ANKS1A: variants seen among roughly 807,000 people sequenced by gnomAD.
The protein encoded by ANKS1A is ankyrin repeat and sterile alpha motif domain containing 1A.
Under a neutral mutation model 120.3 loss-of-function variants are expected in ANKS1A, and 55 were observed. The ratio of observed to expected loss-of-function variants is 0.46; its 90% CI spans 0.37 to 0.57. ANKS1A has a LOEUF of 0.57. Ranked by LOEUF, ANKS1A falls within the 20% of genes least tolerant of loss-of-function variation. The pLI, the probability that ANKS1A is intolerant of heterozygous loss-of-function variation, is 0.00. For synonymous variants in ANKS1A, 590 were observed against 604.7 expected (o/e 0.98, Z 0.36); for missense variants, 1,123 against 1,480.3 (o/e 0.76, Z 3.96).
At chr6:34,971,559 T>C (rs193013383) in intron 3 of ANKS1A, among the ~76,000 whole-genome samples, 18 of 152,298 alleles carry the variant, frequency 1.2e-4, no homozygotes, top group Non-Finnish European at 2.1e-4. Flanking sequence ...GAGGGAGATA[T>C]TGATGTTTCT....
intron 12 of ANKS1A, 149 bp from the exon 13 acceptor site, chr6:35,059,998 C>T (rs1776408590): frequency 1.7e-6 from 1 of 604,240 alleles, no homozygotes. Flanking sequence ...AGCTGCGTGT[C>T]TGCTGCTCTC....
At chr6:34,890,289 A>G (rs188177573) in intron 1 of ANKS1A, among the ~76,000 whole-genome samples, 1 of 152,058 alleles carries the variant, frequency 6.6e-6, no homozygotes, top group Non-Finnish European at 1.5e-5. Context: ...ACGGGGTTTC[A>G]CCATATTGGC....
intron 1 of ANKS1A, among the ~76,000 whole-genome samples, chr6:34,911,657 C>T (rs544141205): frequency 1.3e-5 from 2 of 152,310 alleles, no homozygotes; most frequent in South Asian, 2.1e-4. Flanking sequence ...TCACCCTGAA[C>T]GGTCATTAAG....
At chr6:35,061,467 A>G (rs926067025) in intron 13 of ANKS1A, among the ~76,000 whole-genome samples, 7 of 152,014 alleles carry the variant, frequency 4.6e-5, no homozygotes, top group African/African-American at 9.7e-5. Context: ...CACCACCTGC[A>G]CTCTGTTCTC....
chr6:35,035,004 G>A (rs1429582662), intron 11 of ANKS1A, among the ~76,000 whole-genome samples: 1 of 152,252 alleles, frequency 6.6e-6, no homozygotes, highest in South Asian at 2.1e-4. Flanking sequence ...CATTACCCGC[G>A]AGTAAGTGGC....
At chr6:34,956,166 ATTATTTATATTT>A (rs1266729706) in intron 1 of ANKS1A, among the ~76,000 whole-genome samples, 2 of 151,146 alleles carry the variant, frequency 1.3e-5, no homozygotes, top group Non-Finnish European at 3.0e-5. Context: ...CTTCTGGATC[ATTATTTATATTT>A]TTATTTATAT....
chr6:34,937,654 G>A (rs533057310), intron 1 of ANKS1A, among the ~76,000 whole-genome samples: 1 of 152,044 alleles, frequency 6.6e-6, no homozygotes, highest in Non-Finnish European at 1.5e-5. Flanking sequence ...GAATCAATGG[G>A]GTATAAAGGA....
chr6:35,061,064 C>T (rs1776470776), intron 13 of ANKS1A, among the ~76,000 whole-genome samples: 1 of 152,232 alleles, frequency 6.6e-6, no homozygotes, highest in African/African-American at 2.4e-5. Context: ...TTACTGTGTG[C>T]TTGGCGCCGT....
Position 35,083,403 on chromosome 6 carries a change from C to G in ANKS1A, c.2908-14C>G. Reference sequence around the variant, plus strand: ...AGAAGGGGCACTGACAGGGCCACCCCTTGTTTCCTGTAGAAATCTACGGAG... The same window carrying G: ...AGAAGGGGCACTGACAGGGCCACCCGTTGTTTCCTGTAGAAATCTACGGAG... On this transcript the variant is annotated splice_polypyrimidine_tract_variant and intron_variant, in intron 19 of 23. Coordinates refer to ENST00000360359, the MANE Select transcript of ANKS1A (RefSeq NM_015245.3). The G allele has an allele frequency of 1.9e-6, 3 of 1,613,598 alleles. No homozygotes were observed. The highest frequency in any genetic ancestry group is 2.5e-6 in the Non-Finnish European group (3 of 1,179,556).
intron 11 of ANKS1A, among the ~76,000 whole-genome samples, chr6:35,053,849 T>C (rs820094): frequency 0.4 from 60,604 of 152,026 alleles, 12,392 homozygotes; most frequent in East Asian, 0.61. Context: ...CTTCAGTATT[T>C]CTAGCAGCTA....
intron 11 of ANKS1A, among the ~76,000 whole-genome samples, chr6:35,051,439 T>C (rs915654336): frequency 1.3e-5 from 2 of 152,202 alleles, no homozygotes; most frequent in Admixed American, 6.5e-5. Flanking sequence ...TAATGAAATA[T>C]ATAATATGAC....
At chr6:35,026,440 T>A (rs2127565721) in intron 11 of ANKS1A, among the ~76,000 whole-genome samples, 1 of 152,294 alleles carries the variant, frequency 6.6e-6, no homozygotes, top group Non-Finnish European at 1.5e-5. Context: ...CTTGCCCTCA[T>A]GGAGCTGGCT....
intron 1 of ANKS1A, among the ~76,000 whole-genome samples, chr6:34,907,661 C>A (rs1162154760): frequency 6.6e-6 from 1 of 152,088 alleles, no homozygotes; most frequent in African/African-American, 2.4e-5. Flanking sequence ...GCTATCTTTG[C>A]AACTTTTCTG....
chr6:35,089,122 G>T lies in ANKS1A; in HGVS notation c.*513G>T. The stretch of plus-strand genomic sequence containing the variant: ...ACGGAGCAGGCTCAGGCAGAATTGA[G>T]TACGGTGCGTCTGCTTTTCAAACCC... On this transcript the variant is annotated 3_prime_UTR_variant, in exon 24 of 24. Coordinates refer to ENST00000360359, the MANE Select transcript of ANKS1A (RefSeq NM_015245.3). 9.8e-7 allele frequency: 1 copy of T among 1,020,128 alleles called. No individual in the cohort carries two copies. Among genetic ancestry groups the T allele is most frequent in the Non-Finnish European group, 1.2e-6 (1 of 849,332 alleles). 63.2% of individuals were successfully genotyped at this position (1,020,128 alleles called of 1,614,324 possible). A position where few individuals can be genotyped will look rare whatever the true frequency, so the allele number is the denominator to read the frequency against.
chr6:34,924,089 T>TTGTG (rs745522816), intron 1 of ANKS1A, among the ~76,000 whole-genome samples: 12 of 99,956 alleles, frequency 1.2e-4, no homozygotes, highest in Admixed American at 3.0e-4. Flanking sequence ...GGGGGCTTTT[T>TTGTG]CGTGTGTGTG....
intron 3 of ANKS1A, among the ~76,000 whole-genome samples, chr6:34,970,907 G>A (rs1771153138): frequency 6.6e-6 from 1 of 152,190 alleles, no homozygotes; most frequent in Non-Finnish European, 1.5e-5. Flanking sequence ...TACTCAGGAG[G>A]CTGAGACGGG....
rs1775620696 is a variant in ANKS1A at position 35,044,440 on chromosome 6, G to A, written c.2011-9659G>A. Reference sequence around the variant, plus strand: ...CACTACCTGCAGACTCTGCCCTGTGGGAGCCAGCTCTGTCTGAGGTGAGGG... The same window carrying A: ...CACTACCTGCAGACTCTGCCCTGTGAGAGCCAGCTCTGTCTGAGGTGAGGG... On this transcript the variant is annotated intron_variant, in intron 11 of 23. Coordinates refer to ENST00000360359, the MANE Select transcript of ANKS1A (RefSeq NM_015245.3). This position sits in a 1 kb window ranked among gnomAD's most constrained non-coding sequence, Gnocchi z 4.4. 6.6e-6 allele frequency among the ~76,000 whole-genome samples: 1 copy of A among 152,206 alleles called. No individual in the cohort carries two copies.
At chr6:34,907,862 G>A (rs143472185) in intron 1 of ANKS1A, among the ~76,000 whole-genome samples, 315 of 152,234 alleles carry the variant, frequency 2.1e-3, no homozygotes, top group African/African-American at 6.8e-3. Context: ...ATAAAGTTGT[G>A]TAATGATTAA....
At chr6:35,094,434 C>A (rs565043997), downstream of ANKS1A, among the ~76,000 whole-genome samples, 6 of 137,480 alleles carry the variant, frequency 4.4e-5, no homozygotes, top group South Asian at 2.2e-4. Context: ...AGTGAGACTT[C>A]GTCTGGAAAA....
Sources: allele counts gnomAD v4.1 joint callset (sites outside exome capture counted in the v4.1 genomes callset), GRCh38; gene constraint gnomAD v4.1.1; non-coding constraint Gnocchi (gnomAD v3.1); transcripts MANE v1.5; gene names NCBI Gene and HGNC (gene_info 2026-07-23, HGNC 2026-07-21).